The following CDH8 variants were observed in gnomAD, a reference collection of about 807,000 sequenced individuals.
CDH8 encodes cadherin 8, also known as cadherin-8.
CDH8 carries 17 observed loss-of-function variants against 68.1 expected under a neutral mutation model. That is an observed-to-expected ratio of 0.25 (90% confidence interval 0.17 to 0.37). The LOEUF (loss-of-function observed/expected upper bound fraction) is 0.37, where lower values mean the gene tolerates loss of function less well. Among genes scored for constraint, CDH8 ranks in the 10% least tolerant of loss-of-function variants. The probability of loss-of-function intolerance (pLI) is 1.00; values close to 1 mark genes in which losing one functional copy is unlikely to be tolerated. For missense variants in CDH8, 763 were observed against 999.3 expected (o/e 0.76, Z 3.19); for synonymous variants, 372 against 365.1 (o/e 1.02, Z -0.21).
chr16:61,879,638 T>C (rs1230930977), intron 3 of CDH8, among the ~76,000 whole-genome samples: 2 of 152,170 alleles, frequency 1.3e-5, no homozygotes, highest in Admixed American at 1.3e-4. Context: ...GGCAGGAAGT[T>C]CTTTTGCCTT....
At chr16:61,700,852 A>G (rs1376762862) in intron 10 of CDH8, among the ~76,000 whole-genome samples, 1 of 152,144 alleles carries the variant, frequency 6.6e-6, no homozygotes, top group Non-Finnish European at 1.5e-5. Flanking sequence ...ATAAACAACA[A>G]TTTGTTGTAT....
intron 2 of CDH8, among the ~76,000 whole-genome samples, chr16:61,979,253 G>T (rs940485658): frequency 2.6e-5 from 4 of 152,086 alleles, no homozygotes; most frequent in Admixed American, 6.6e-5. Context: ...CACCCCTGGC[G>T]GATAACATGA....
intron 2 of CDH8, among the ~76,000 whole-genome samples, chr16:61,985,471 A>C (rs1965610143): frequency 6.6e-6 from 1 of 152,168 alleles, no homozygotes; most frequent in African/African-American, 2.4e-5. Flanking sequence ...TGAGGTCTTT[A>C]ATGCAGAACC....
intron 7 of CDH8, among the ~76,000 whole-genome samples, chr16:61,803,490 C>T (rs1400300288): frequency 6.6e-6 from 1 of 150,964 alleles, no homozygotes; most frequent in African/African-American, 2.4e-5. Flanking sequence ...TGTAAATGGA[C>T]TAAATTCTCC....
At chr16:61,825,554 C>T (rs7201857) in intron 4 of CDH8, among the ~76,000 whole-genome samples, 4,782 of 151,842 alleles carry the variant, frequency 0.031, 247 homozygotes, top group African/African-American at 0.11. Context: ...GATCTCAATT[C>T]CCCCACAGGA....
chr16:61,873,899 T>C lies in CDH8; in HGVS notation c.548-16661A>G, dbSNP rs1057285133. On this transcript the variant is annotated intron_variant, in intron 3 of 11. Coordinates refer to ENST00000577390, the MANE Select transcript of CDH8 (RefSeq NM_001796.5). ...GGTGAAACCCTGTCTCTACTTAAAA[T>C]ACAAAAATTAGCCAGGGGTGGTGGT... Among the ~76,000 whole-genome samples, 4 of 152,130 alleles carry C rather than the reference T, an allele frequency of 2.6e-5. No individual in the cohort carries two copies. The East Asian group carries it at 5.8e-4, about 22-fold the overall frequency.
intron 2 of CDH8, among the ~76,000 whole-genome samples, chr16:62,008,097 G>C (rs1346017176): frequency 6.6e-6 from 1 of 151,890 alleles, no homozygotes; most frequent in Non-Finnish European, 1.5e-5. Context: ...ACCACACTCA[G>C]CTAATTTTTA....
intron 8 of CDH8, among the ~76,000 whole-genome samples, chr16:61,751,829 C>T (rs752600497): frequency 4.6e-5 from 7 of 151,972 alleles, no homozygotes; most frequent in South Asian, 2.1e-4. Flanking sequence ...AAACTAAGCA[C>T]GTTATTATAC....
chr16:61,833,159 T>A (rs905860834), intron 4 of CDH8, among the ~76,000 whole-genome samples: 5 of 151,614 alleles, frequency 3.3e-5, no homozygotes, highest in African/African-American at 1.2e-4. Context: ...TATTATTACA[T>A]GATAAGTAAA....
chr16:61,762,078 A>AGGGTCC (rs1960485012), intron 8 of CDH8, among the ~76,000 whole-genome samples: 1 of 152,248 alleles, frequency 6.6e-6, no homozygotes, highest in African/African-American at 2.4e-5. Context: ...TAAAGACGGG[A>AGGGTCC]GGTGAGGCTC....
chr16:61,788,471 C>G (rs913229780), intron 8 of CDH8, among the ~76,000 whole-genome samples: 1 of 152,008 alleles, frequency 6.6e-6, no homozygotes, highest in Non-Finnish European at 1.5e-5. Flanking sequence ...TTGTGCACAA[C>G]TTCAAAGTCC....
chr16:61,886,915 C>T (rs2143166674), intron 3 of CDH8, among the ~76,000 whole-genome samples: 1 of 152,282 alleles, frequency 6.6e-6, no homozygotes, highest in South Asian at 2.1e-4. Context: ...GTATTTCACA[C>T]TGACAATAGA....
At chr16:61,881,141 G>A (rs1228003880) in intron 3 of CDH8, among the ~76,000 whole-genome samples, 1 of 152,172 alleles carries the variant, frequency 6.6e-6, no homozygotes, top group Non-Finnish European at 1.5e-5. Context: ...AAGATCTACA[G>A]ACCTTCTGAA....
intron 9 of CDH8, among the ~76,000 whole-genome samples, chr16:61,722,712 AAT>A (rs1294762104): frequency 6.6e-6 from 1 of 150,732 alleles, no homozygotes; most frequent in Non-Finnish European, 1.5e-5. Context: ...AGATTTTGTG[AAT>A]ATATATTATG....
At chr16:62,026,426 T>C (rs998654010) in intron 1 of CDH8, among the ~76,000 whole-genome samples, 2 of 152,148 alleles carry the variant, frequency 1.3e-5, no homozygotes, top group African/African-American at 2.4e-5. Flanking sequence ...AAGCAAGTAG[T>C]TCTACAGAAG....
intron 10 of CDH8, among the ~76,000 whole-genome samples, chr16:61,706,648 T>C (rs1318221341): frequency 8.7e-6 from 1 of 115,500 alleles, no homozygotes; most frequent in Admixed American, 8.2e-5. Flanking sequence ...AAAAAAAGTG[T>C]AACTGGCTTG....
chr16:61,981,319 G>A (rs765461028), intron 2 of CDH8, among the ~76,000 whole-genome samples: 4 of 152,016 alleles, frequency 2.6e-5, no homozygotes, highest in Non-Finnish European at 1.5e-5. Flanking sequence ...TATTAAGTAG[G>A]CTTGTCTAAT....
At chr16:61,999,251 G>A (rs965754138) in intron 2 of CDH8, among the ~76,000 whole-genome samples, 7 of 152,238 alleles carry the variant, frequency 4.6e-5, no homozygotes, top group South Asian at 4.2e-4. Flanking sequence ...AAAAATCTGA[G>A]CTCAGTGATG....
At chr16:61,756,217 G>T (rs1960313671) in intron 8 of CDH8, among the ~76,000 whole-genome samples, 1 of 151,984 alleles carries the variant, frequency 6.6e-6, no homozygotes, top group South Asian at 2.1e-4. Context: ...ATACAAGCAA[G>T]ATTTTCTTGT....
Sources: allele counts gnomAD v4.1 joint callset (sites outside exome capture counted in the v4.1 genomes callset), GRCh38; gene constraint gnomAD v4.1.1; transcripts MANE v1.5; gene names NCBI Gene and HGNC (gene_info 2026-07-23, HGNC 2026-07-21).